The following FKTN variants were observed in gnomAD, a reference collection of about 807,000 sequenced individuals.
FKTN encodes the protein ribitol-5-phosphate transferase FKTN.
Under a neutral mutation model 58.6 loss-of-function variants are expected in FKTN, and 47 were observed. The observed-to-expected ratio is 0.80, with a 90% CI of 0.63 to 1.02. FKTN has a LOEUF of 1.02. Ranked by LOEUF, FKTN falls within the 50% of genes least tolerant of loss-of-function variation. The pLI is 0.00. For missense variants in FKTN, 516 were observed against 537.3 expected (o/e 0.96, Z 0.39); for synonymous variants, 178 against 191.9 (o/e 0.93, Z 0.60).
At chr9:105,580,266 G>A (rs939401405) in intron 3 of FKTN, among the ~76,000 whole-genome samples, 4 of 152,080 alleles carry the variant, frequency 2.6e-5, no homozygotes, top group Non-Finnish European at 5.9e-5. Context: ...TAGTCTCGAC[G>A]GTCTTTACAT....
rs558593893 is a variant in FKTN, at chr9:105,592,201, A to T, written c.106-4397A>T. 4.6e-5 allele frequency among the ~76,000 whole-genome samples: 7 copies of T among 152,266 alleles called. No individual in the cohort carries two copies. In the South Asian group the frequency reaches 1.5e-3, roughly 32 times the overall value. ...AAAATAGACTTTTCTTTTCTATCAC[A>T]TGGCCAGGCTGCAAATTTTCCAAAC... On this transcript the variant is annotated intron_variant, in intron 3 of 10. Coordinates refer to ENST00000357998, the MANE Select transcript of FKTN (RefSeq NM_001079802.2).
chr9:105,605,493 T>C (rs192379829), intron 6 of FKTN, among the ~76,000 whole-genome samples: 1 of 152,270 alleles, frequency 6.6e-6, no homozygotes, highest in East Asian at 1.9e-4. Context: ...TAACCACTGT[T>C]GATAACTAAC....
rs1202676141 is a variant in FKTN at position 105,636,742 on chromosome 9, C to T, written c.*1478C>T. 3.1e-6 allele frequency: 4 copies of T among 1,294,988 alleles called. No individual in the cohort carries two copies. Among genetic ancestry groups the T allele is most frequent in the African/African-American group, 1.5e-5 (1 of 65,716 alleles). The allele number at this position is 1,294,988 out of a possible 1,614,324, so 80.2% of individuals were successfully genotyped here. On this transcript the variant is annotated 3_prime_UTR_variant, in exon 11 of 11. Coordinates refer to ENST00000357998, the MANE Select transcript of FKTN (RefSeq NM_001079802.2). ...ACTTTCTGGAGCTTGGCAGATTTTC[C>T]TCTGACACCAGAGAACAATAGTAGT...
At chr9:105,576,437 G>A (rs1323636509) in intron 3 of FKTN, among the ~76,000 whole-genome samples, 7 of 151,438 alleles carry the variant, frequency 4.6e-5, no homozygotes, top group East Asian at 3.9e-4. Flanking sequence ...TTGTTCTTAC[G>A]ATAGTTTACT....
At chr9:105,563,612 C>A (rs954766258) in intron 1 of FKTN, among the ~76,000 whole-genome samples, 7 of 151,726 alleles carry the variant, frequency 4.6e-5, no homozygotes, top group African/African-American at 1.7e-4. Flanking sequence ...GGGGGGGGCA[C>A]CCGCCATTGC....
At chr9:105,581,806 A>G (rs1024096394) in intron 3 of FKTN, among the ~76,000 whole-genome samples, 46 of 152,302 alleles carry the variant, frequency 3.0e-4, no homozygotes, top group Admixed American at 1.2e-3. Context: ...CTGCTGGGCT[A>G]GCAATCAGCG....
At chr9:105,581,612 G>C (rs1295525626) in intron 3 of FKTN, among the ~76,000 whole-genome samples, 1 of 152,136 alleles carries the variant, frequency 6.6e-6, no homozygotes, top group East Asian at 1.9e-4. Flanking sequence ...GGTTACTGCT[G>C]TCTTTTTGTT....
chr9:105,635,238 T>C lies in FKTN; in HGVS notation c.1360T>C (p.Trp454Arg), dbSNP rs1052013237. 2 of 1,614,106 alleles carry C rather than the reference T, an allele frequency of 1.2e-6. No individual in the cohort carries two copies. The highest frequency in any genetic ancestry group is 2.7e-5 in the African/African-American group (2 of 75,030). ...QPNGIWPISE[W>R]DEVIQLY ...CAATGGAATCTGGCCTATTTCTGAGTGGGATGAGGTTATCCAGTTATATTG... is the reference window on the plus strand; with the variant it reads ...CAATGGAATCTGGCCTATTTCTGAGCGGGATGAGGTTATCCAGTTATATTG... Residue 454 changes from tryptophan (W) to arginine (R), a missense_variant, in exon 11 of 11, where the codon TGG becomes CGG. By Grantham distance (101) the Trp-to-Arg change is moderately radical. Transcript: ENST00000357998.
At chr9:105,589,157 A>G (rs938666294) in intron 3 of FKTN, among the ~76,000 whole-genome samples, 5 of 152,078 alleles carry the variant, frequency 3.3e-5, no homozygotes, top group African/African-American at 4.8e-5. Context: ...TTACAAAGCT[A>G]TTTATTTTTG....
In FKTN at chr9:105,570,823, G is replaced by A. The variant is rs76320245; in HGVS notation, c.-180-2832G>A. ...GAATATTGAAGACTTCCTTGAAGAA[G>A]TGTCATTTGAGAGGAGCTATGAAAA... On this transcript the variant is annotated intron_variant, in intron 1 of 10. Transcript: ENST00000357998. Among the ~76,000 whole-genome samples the A allele has an allele frequency of 8.5e-3, 1,290 of 152,254 alleles. 12 individuals carry two copies. The highest frequency in any genetic ancestry group is 0.024 in the Middle Eastern group (7 of 294).
intron 7 of FKTN, among the ~76,000 whole-genome samples, chr9:105,614,728 A>T (rs1037087490): frequency 3.3e-5 from 5 of 152,092 alleles, no homozygotes; most frequent in African/African-American, 1.2e-4. Context: ...ATCCTTTGGG[A>T]ATCCTGGTTC....
chr9:105,586,659 G>C (rs72746056), intron 3 of FKTN, among the ~76,000 whole-genome samples: 35 of 152,208 alleles, frequency 2.3e-4, no homozygotes, highest in African/African-American at 7.2e-4. Flanking sequence ...CAATTGTTTG[G>C]CTTTCAGCAA....
At chr9:105,614,091 C>T (rs1028376994) in intron 7 of FKTN, among the ~76,000 whole-genome samples, 3 of 151,976 alleles carry the variant, frequency 2.0e-5, no homozygotes, top group Non-Finnish European at 4.4e-5. Flanking sequence ...GGCTGGACCC[C>T]AGTAGTCAGG....
At chr9:105,601,380 G>A (rs780614554) in intron 5 of FKTN, 32 bp downstream of exon 5, 2 of 1,432,594 alleles carry the variant, frequency 1.4e-6, no homozygotes, top group Admixed American at 3.3e-5. Context: ...AATGGAATGT[G>A]TCTCTTTTTA....
At chr9:105,626,622 G>T (rs1832774204) in intron 10 of FKTN, among the ~76,000 whole-genome samples, 2 of 152,132 alleles carry the variant, frequency 1.3e-5, no homozygotes, top group Admixed American at 6.6e-5. Flanking sequence ...GGGATTGCTT[G>T]GTCGTAGGGT....
chr9:105,568,012 G>C (rs1275296406), intron 1 of FKTN, among the ~76,000 whole-genome samples: 1 of 152,166 alleles, frequency 6.6e-6, no homozygotes, highest in Admixed American at 6.5e-5. Context: ...TCTGATCTTT[G>C]ACAAAACTGA....
Position 105,604,330 on chromosome 9 carries a change from A to G in FKTN, c.485A>G (p.Tyr162Cys), listed in dbSNP as rs886044210. ...SLSGTEIPLH[Y>C]ICKLATHAIH... ...TCTGGAACTGAAATCCCCCTGCACTATATCTGCAAACTGGCCACTCATGCG... is the reference window on the plus strand; with the variant it reads ...TCTGGAACTGAAATCCCCCTGCACTGTATCTGCAAACTGGCCACTCATGCG... Residue 162 changes from tyrosine to cysteine, a missense_variant, in exon 6 of 11, where the codon TAT becomes TGT. Transcript: ENST00000357998. 3 of 1,614,016 alleles carry G rather than the reference A, an allele frequency of 1.9e-6. No individual in the cohort carries two copies. Among genetic ancestry groups the G allele is most frequent in the Admixed American group, 1.7e-5 (1 of 59,992 alleles).
intron 1 of FKTN, among the ~76,000 whole-genome samples, chr9:105,569,470 A>G (rs1222532675): frequency 1.3e-5 from 2 of 152,138 alleles, no homozygotes; most frequent in East Asian, 1.9e-4. Context: ...AAATTTGACC[A>G]AGAAAAGATG....
intron 3 of FKTN, among the ~76,000 whole-genome samples, chr9:105,589,113 T>C (rs1844404885): frequency 6.6e-6 from 1 of 152,192 alleles, no homozygotes; most frequent in Admixed American, 6.5e-5. Flanking sequence ...GGCCCCTCAC[T>C]TGCAGGGGAC....
Sources: allele counts gnomAD v4.1 joint callset (sites outside exome capture counted in the v4.1 genomes callset), GRCh38; gene constraint gnomAD v4.1.1; transcripts MANE v1.5; gene names NCBI Gene and HGNC (gene_info 2026-07-23, HGNC 2026-07-21).